Variants in CLCN6 observed in about 807,000 individuals in gnomAD.
The protein encoded by CLCN6 is H(+)/Cl(-) exchange transporter 6.
In CLCN6, 70 loss-of-function variants were observed where a neutral mutation model predicts 109.8. That is an observed-to-expected ratio of 0.64 (90% CI 0.53 to 0.78). The LOEUF is 0.78. Ranked by LOEUF, CLCN6 falls within the 30% of genes least tolerant of loss-of-function variation. The pLI is 0.00. For missense variants in CLCN6, 984 were observed against 1,142.3 expected, an observed-to-expected ratio of 0.86 and a Z score of 2.00; for synonymous variants, 444 against 447.8, an observed-to-expected ratio of 0.99 and a Z score of 0.11.
intron 7 of CLCN6, among the ~76,000 whole-genome samples, 164 bp from the exon 8 acceptor site, chr1:11,824,322 G>A (rs531786962): frequency 1.3e-5 from 2 of 152,346 alleles, no homozygotes; most frequent in South Asian, 4.1e-4. Flanking sequence ...CTTCTAGCAA[G>A]ACTTGAAATG....
intron 5 of CLCN6, chr1:11,820,703 C>G (rs142489028): frequency 0.14 from 32,535 of 234,258 alleles, 2,430 homozygotes; most frequent in South Asian, 0.17. Flanking sequence ...GGAGGCGGAG[C>G]TTGCAGTAAG....
intron 14 of CLCN6, 68 bp from the exon 15 acceptor site, chr1:11,833,809 G>A (rs1014937564): frequency 6.4e-7 from 1 of 1,570,448 alleles, no homozygotes; most frequent in Non-Finnish European, 8.6e-7. Context: ...GTGTGGTCGG[G>A]CCCGGTAGGT....
At chr1:11,813,419 C>A (rs1644628566) in intron 2 of CLCN6, among the ~76,000 whole-genome samples, 1 of 147,338 alleles carries the variant, frequency 6.8e-6, no homozygotes, top group Non-Finnish European at 1.5e-5. Context: ...GAGACCGAGT[C>A]TCACTCTGTC....
At chr1:11,824,927 G>A (rs532506204) in intron 8 of CLCN6, among the ~76,000 whole-genome samples, 17 of 152,328 alleles carry the variant, frequency 1.1e-4, no homozygotes, top group Non-Finnish European at 2.5e-4. Flanking sequence ...ACAGTTCCGT[G>A]CTGATTCTAG....
chr1:11,829,393 T>C, intron 13 of CLCN6, 71 bp downstream of exon 13: 3 of 1,558,012 alleles, frequency 1.9e-6, no homozygotes, highest in Non-Finnish European at 2.7e-6. Flanking sequence ...GACCTTCCTC[T>C]GTTGAGAACT....
chr1:11,828,944 A>G (rs1200035875), intron 12 of CLCN6, among the ~76,000 whole-genome samples: 1 of 152,192 alleles, frequency 6.6e-6, no homozygotes, highest in Non-Finnish European at 1.5e-5. Context: ...ACTTATTATA[A>G]TGGAAAGCCA....
At chr1:11,814,436 TG>T (rs967280320) in intron 2 of CLCN6, among the ~76,000 whole-genome samples, 19 of 151,924 alleles carry the variant, frequency 1.3e-4, no homozygotes, top group African/African-American at 4.6e-4. Flanking sequence ...TTAGTAGAGA[TG>T]GGGTTTCACC....
chr1:11,830,785 C>T (rs11811524), intron 13 of CLCN6, among the ~76,000 whole-genome samples: 8,389 of 50,628 alleles, frequency 0.17, 311 homozygotes, highest in African/African-American at 0.38. Context: ...ACTATATATA[C>T]ACACACACAC....
At position 11,834,230 on chromosome 1, in the gene CLCN6, C is replaced by G; in HGVS notation, c.1527-6C>G. 6.2e-7 allele frequency: 1 copy of G among 1,609,636 alleles called. No homozygotes were observed. Among genetic ancestry groups the G allele is most frequent in the Non-Finnish European group, 8.5e-7 (1 of 1,177,820 alleles). On this transcript the variant is annotated splice_polypyrimidine_tract_variant and splice_region_variant and intron_variant, in intron 15 of 22. Coordinates refer to ENST00000346436, the MANE Select transcript of CLCN6 (RefSeq NM_001286.5). This position sits in a 1 kb window ranked among gnomAD's most constrained non-coding sequence, Gnocchi z 4.5. ...AAGCCATGTTCTCGGTGTTTTCCTT[C>G]ACTAGCTACATTGGATTGGGCCACA...
chr1:11,819,467 C>T, intron 4 of CLCN6, 21 bp from the exon 5 acceptor site: 1 of 1,611,948 alleles, frequency 6.2e-7, no homozygotes, highest in Non-Finnish European at 8.5e-7. Flanking sequence ...GGCTGTGTGA[C>T]AGATCTCTTG....
At chr1:11,829,527 T>A (rs1045887811) in intron 13 of CLCN6, among the ~76,000 whole-genome samples, 26 of 152,124 alleles carry the variant, frequency 1.7e-4, no homozygotes, top group Admixed American at 1.4e-3. Flanking sequence ...TTGCCACTTC[T>A]GTGAACAACC....
Position 11,820,430 on chromosome 1 carries a change from G to A in CLCN6, c.346+876G>A, listed in dbSNP as rs546261491. 7 of 711,784 alleles carry A rather than the reference G, an allele frequency of 9.8e-6. No individual in the cohort carries two copies. The South Asian group carries it at 1.0e-4, about 11-fold the overall frequency. The allele number at this position is 711,784 out of a possible 1,614,324, so 44.1% of individuals were successfully genotyped here. On this transcript the variant is annotated intron_variant, in intron 5 of 22. Transcript: ENST00000346436. The stretch of plus-strand genomic sequence containing the variant: ...GGAGACTATATGTTGTCAAGAGTGG[G>A]GAATAATTTCTTAAAACTCCAGAAG...
chr1:11,826,356 CT>C, intron 9 of CLCN6, 142 bp downstream of exon 9: 1 of 683,476 alleles, frequency 1.5e-6, no homozygotes, highest in Non-Finnish European at 2.6e-6. Flanking sequence ...TTGAACTTTT[CT>C]TCTGGAAATA....
chr1:11,840,342 G>C lies in CLCN6; in HGVS notation c.*119G>C. 1 of 903,708 alleles carries C rather than the reference G, an allele frequency of 1.1e-6. No individual in the cohort carries two copies. Among genetic ancestry groups the C allele is most frequent in the Non-Finnish European group, 1.8e-6 (1 of 554,352 alleles). The allele number at this position is 903,708 out of a possible 1,614,324, so 56.0% of individuals were successfully genotyped here. A position where few individuals can be genotyped will look rare whatever the true frequency, so the allele number is the denominator to read the frequency against. On this transcript the variant is annotated 3_prime_UTR_variant, in exon 23 of 23. Transcript: ENST00000346436. ...AGATTCCCAGTCACCCACTCACTCA[G>C]AAAGCCGGGAGTCATCGGACACCTT...
chr1:11,814,889 C>T (rs61057446), intron 2 of CLCN6, among the ~76,000 whole-genome samples: 15 of 152,048 alleles, frequency 9.9e-5, no homozygotes, highest in African/African-American at 2.9e-4. Flanking sequence ...AAAAATTAGC[C>T]GGGCGTGTTG....
rs181970149 is a variant in CLCN6 at position 11,813,006 on chromosome 1, A to G, written c.148-2840A>G. ...CGTTGTTTGTTCACTGTCCCATACA[A>G]TTTCCAAAGAGAATCATTCACAAGA... On this transcript the variant is annotated intron_variant, in intron 2 of 22. Coordinates refer to ENST00000346436, the MANE Select transcript of CLCN6 (RefSeq NM_001286.5). 2.0e-5 allele frequency among the ~76,000 whole-genome samples: 3 copies of G among 152,222 alleles called. No homozygotes were observed. In the East Asian group the frequency reaches 5.8e-4, roughly 29 times the overall value.
intron 10 of CLCN6, among the ~76,000 whole-genome samples, chr1:11,827,687 T>C (rs1644831051): frequency 6.6e-6 from 1 of 152,182 alleles, no homozygotes; most frequent in Non-Finnish European, 1.5e-5. Context: ...ATTACAGGCG[T>C]GAGCCACCAC....
chr1:11,818,681 T>G (rs1295296622), intron 4 of CLCN6, among the ~76,000 whole-genome samples: 1 of 152,202 alleles, frequency 6.6e-6, no homozygotes, highest in East Asian at 1.9e-4. Context: ...AAATTAGAAG[T>G]CTTTCTAGTT....
At chr1:11,829,511 G>C (rs76219075) in intron 13 of CLCN6, among the ~76,000 whole-genome samples, 189 bp downstream of exon 13, 5,544 of 152,112 alleles carry the variant, frequency 0.036, 156 homozygotes, top group Middle Eastern at 0.078. Context: ...CACATGCCCT[G>C]TGTCTTTGCC....
Sources: allele counts gnomAD v4.1 joint callset (sites outside exome capture counted in the v4.1 genomes callset), GRCh38; gene constraint gnomAD v4.1.1; non-coding constraint Gnocchi (gnomAD v3.1); transcripts MANE v1.5; gene names NCBI Gene and HGNC (gene_info 2026-07-23, HGNC 2026-07-21).